Variants in TBC1D22A observed in about 807,000 individuals in gnomAD.
TBC1D22A encodes the protein TBC1 domain family member 22A, also known as putative GTPase activator.
Under a neutral mutation model 60.2 loss-of-function variants are expected in TBC1D22A, and 38 were observed. That is an observed-to-expected ratio of 0.63 (90% CI 0.49 to 0.83). The LOEUF is 0.83. Among genes scored for constraint, TBC1D22A ranks in the 40% least tolerant of loss-of-function variants. The pLI is 0.00. For synonymous variants in TBC1D22A, 302 were observed against 281.7 expected (o/e 1.07, Z -0.72); for missense variants, 628 against 701.0 (o/e 0.90, Z 1.18).
intron 8 of TBC1D22A, among the ~76,000 whole-genome samples, chr22:46,916,891 GAGA>G (rs1279144683): frequency 6.6e-6 from 1 of 152,224 alleles, no homozygotes; most frequent in Non-Finnish European, 1.5e-5. Flanking sequence ...ATCGATCATG[GAGA>G]AGTTCTCTAT....
At chr22:47,054,695 T>G (rs1483656316) in intron 11 of TBC1D22A, among the ~76,000 whole-genome samples, 1 of 152,066 alleles carries the variant, frequency 6.6e-6, no homozygotes, top group East Asian at 1.9e-4. Flanking sequence ...CTGATTGAAG[T>G]CAAGTAGCAG....
chr22:46,875,953 T>G (rs1441744380), intron 4 of TBC1D22A, among the ~76,000 whole-genome samples: 1 of 151,474 alleles, frequency 6.6e-6, no homozygotes, highest in East Asian at 1.9e-4. Flanking sequence ...CTGGTGCTCA[T>G]GACCCCCCCT....
intron 8 of TBC1D22A, among the ~76,000 whole-genome samples, chr22:46,954,792 C>T (rs1405687442): frequency 2.6e-5 from 4 of 152,078 alleles, no homozygotes; most frequent in Non-Finnish European, 4.4e-5. Context: ...TTTTTTAGCC[C>T]AAATTAGCAA....
intron 11 of TBC1D22A, among the ~76,000 whole-genome samples, chr22:47,062,274 C>T (rs945066872): frequency 2.6e-5 from 4 of 152,036 alleles, no homozygotes; most frequent in South Asian, 2.1e-4. Context: ...CCTCCTGAAT[C>T]GGAAGCTCTG....
intron 11 of TBC1D22A, among the ~76,000 whole-genome samples, chr22:47,065,048 A>T (rs1434208709): frequency 2.0e-5 from 3 of 152,170 alleles, no homozygotes; most frequent in Non-Finnish European, 4.4e-5. Flanking sequence ...CAGTGGCACG[A>T]TCTCGGCCCA....
chr22:47,159,168 G>A (rs56917047), intron 12 of TBC1D22A, among the ~76,000 whole-genome samples: 100,564 of 150,282 alleles, frequency 0.67, 34,069 homozygotes, highest in African/African-American at 0.79. Context: ...CCATGTGTGC[G>A]GATACTACAC....
intron 4 of TBC1D22A, among the ~76,000 whole-genome samples, chr22:46,835,191 A>G (rs1415913824): frequency 1.3e-5 from 2 of 152,222 alleles, no homozygotes; most frequent in Non-Finnish European, 2.9e-5. Flanking sequence ...CTTCAAATGC[A>G]AAGACAGCAA....
chr22:46,797,447 G>A lies in TBC1D22A; in HGVS notation c.464G>A (p.Ser155Asn). Residue 155 changes from serine to asparagine, a missense_variant, in exon 4 of 13, where the codon AGT (serine) becomes AAT (asparagine). Physicochemically the swap from Ser to Asn is conservative, Grantham distance 46 (BLOSUM62 1). Coordinates refer to ENST00000337137, the MANE Select transcript of TBC1D22A (RefSeq NM_014346.5). ...SESHTSCPAE[S>N]ASDAAPLQRS... ...CCCCATTCTCTCACCCCTGCAGAAA[G>A]TGCCAGCGATGCCGCCCCTCTGCAG... 1.2e-6 allele frequency: 2 copies of A among 1,612,696 alleles called. No individual in the cohort carries two copies. Among genetic ancestry groups the A allele is most frequent in the Non-Finnish European group, 1.7e-6 (2 of 1,180,012 alleles).
intron 8 of TBC1D22A, among the ~76,000 whole-genome samples, chr22:46,920,379 C>G (rs2070681114): frequency 7.1e-6 from 1 of 141,710 alleles, no homozygotes; most frequent in Admixed American, 6.7e-5. Flanking sequence ...GTGCCTAGCT[C>G]AAAGCTGGGT....
chr22:47,105,017 G>C lies in TBC1D22A; in HGVS notation c.1330-6491G>C, dbSNP rs577555281. ...GACTCCCTAAAATGTACAAAATCAA[G>C]CTGCACCCTGACCCCCTTGGGCACA... On this transcript the variant is annotated intron_variant, in intron 11 of 12. Transcript: ENST00000337137. Among the ~76,000 whole-genome samples, 132 of 151,980 alleles carry C rather than the reference G, an allele frequency of 8.7e-4. 1 individual carries two copies. The highest frequency in any genetic ancestry group is 3.1e-3 in the African/African-American group (127 of 41,402).
intron 9 of TBC1D22A, among the ~76,000 whole-genome samples, chr22:46,988,099 T>C (rs2074797148): frequency 1.3e-5 from 2 of 152,048 alleles, no homozygotes; most frequent in Admixed American, 6.6e-5. Context: ...AAGAAACCAC[T>C]TTTTTTTCCT....
At chr22:47,172,592 AAG>A (rs1210893095) in intron 12 of TBC1D22A, among the ~76,000 whole-genome samples, 3 of 152,226 alleles carry the variant, frequency 2.0e-5, no homozygotes, top group Non-Finnish European at 4.4e-5. Flanking sequence ...CCTGAATTTT[AAG>A]AGTCTGATCA....
chr22:46,812,227 A>G (rs1272544155), intron 4 of TBC1D22A, among the ~76,000 whole-genome samples: 1 of 147,622 alleles, frequency 6.8e-6, no homozygotes, highest in East Asian at 2.0e-4. Context: ...GCTGTTTGGA[A>G]CTCCCTCATG....
intron 9 of TBC1D22A, among the ~76,000 whole-genome samples, chr22:46,989,122 T>C (rs1288015927): frequency 6.6e-6 from 1 of 152,226 alleles, no homozygotes; most frequent in Non-Finnish European, 1.5e-5. Context: ...TGTAACTTCC[T>C]CACTTCTCTC....
In TBC1D22A at chr22:46,937,271, G is replaced by GC. The variant is rs1486776453; in HGVS notation, c.1015+25084dup. Among the ~76,000 whole-genome samples the GC allele has an allele frequency of 2.0e-5, 3 of 152,262 alleles. No homozygotes were observed. In the East Asian group the frequency reaches 5.8e-4, roughly 29 times the overall value. On this transcript the variant is annotated intron_variant, in intron 8 of 12. Transcript: ENST00000337137. ...CCTGCAGTTACCACATGGACCCACC[G>GC]CATCTGTGGGGAATCCAGGATATAC...
chr22:46,916,850 C>T lies in TBC1D22A; in HGVS notation c.1015+4662C>T, dbSNP rs541322906. 5.7e-4 allele frequency among the ~76,000 whole-genome samples: 87 copies of T among 152,280 alleles called. 1 individual carries two copies. Among genetic ancestry groups the T allele is most frequent in the Middle Eastern group, 6.8e-3 (2 of 294 alleles). ...GGGGAGAAAACTCTACAAGTGAAAA[C>T]GAAGTGAGAGGGTATAATGTGATGG... On this transcript the variant is annotated intron_variant, in intron 8 of 12. Transcript: ENST00000337137.
At chr22:47,047,561 G>C (rs954214553) in intron 11 of TBC1D22A, among the ~76,000 whole-genome samples, 4 of 152,218 alleles carry the variant, frequency 2.6e-5, no homozygotes, top group African/African-American at 9.6e-5. Context: ...AGTAGTCCTG[G>C]GGCTGTCGGG....
At chr22:46,851,477 G>A (rs77190463) in intron 4 of TBC1D22A, among the ~76,000 whole-genome samples, 14,576 of 152,312 alleles carry the variant, frequency 0.096, 775 homozygotes, top group Non-Finnish European at 0.12. Flanking sequence ...TGCTGGTGCC[G>A]GCCTGGCCCA....
chr22:46,952,298 C>T (rs929491920), intron 8 of TBC1D22A, among the ~76,000 whole-genome samples: 4 of 152,184 alleles, frequency 2.6e-5, no homozygotes, highest in Non-Finnish European at 4.4e-5. Flanking sequence ...CTGTGTGTGC[C>T]GCTTGTCCTC....
Sources: allele counts gnomAD v4.1 joint callset (sites outside exome capture counted in the v4.1 genomes callset), GRCh38; gene constraint gnomAD v4.1.1; transcripts MANE v1.5; gene names NCBI Gene and HGNC (gene_info 2026-07-23, HGNC 2026-07-21).